ZNG1C: variants seen among roughly 807,000 people sequenced by gnomAD.
ZNG1C encodes the protein zinc-regulated GTPase metalloprotein activator 1C.
chr9:68,264,855 A>ATATATATATATATATATATATG, the ZNG1C span, among the ~76,000 whole-genome samples: 1 of 72,260 alleles, frequency 1.4e-5, no homozygotes, highest in African/African-American at 5.1e-5. Flanking sequence ...ATATATATAT[A>ATATATATATATATATATATATG]TGTATAATAA....
chr9:68,256,726 G>C, the ZNG1C span, among the ~76,000 whole-genome samples: 2 of 120,292 alleles, frequency 1.7e-5, no homozygotes, highest in Admixed American at 1.8e-4. Flanking sequence ...AAATGGAATG[G>C]GTATAAATAG....
At chr9:68,290,899 G>T in the ZNG1C span, among the ~76,000 whole-genome samples, 1 of 151,022 alleles carries the variant, frequency 6.6e-6, no homozygotes, top group South Asian at 2.1e-4. Context: ...GTATAGTCAT[G>T]CACTGCATAA....
chr9:68,296,614 C>T, the ZNG1C span, among the ~76,000 whole-genome samples: 4 of 151,796 alleles, frequency 2.6e-5, no homozygotes, highest in African/African-American at 7.3e-5. Context: ...AGGCCAGATA[C>T]GCAGTTCTAG....
chr9:68,252,485 T>G, the ZNG1C span, among the ~76,000 whole-genome samples: 1 of 80,556 alleles, frequency 1.2e-5, no homozygotes, highest in Middle Eastern at 6.0e-3. Flanking sequence ...AGTTCAGGAG[T>G]TTAAGACCAG....
the ZNG1C span, among the ~76,000 whole-genome samples, chr9:68,276,599 A>G: frequency 1.3e-5 from 2 of 148,316 alleles, no homozygotes; most frequent in African/African-American, 5.0e-5. Flanking sequence ...AGGTTTGTCA[A>G]AGATCAGATA....
the ZNG1C span, among the ~76,000 whole-genome samples, chr9:68,264,855 A>ATATATATATATATATG: frequency 4.8e-4 from 35 of 72,208 alleles, no homozygotes; most frequent in African/African-American, 1.5e-3. Flanking sequence ...ATATATATAT[A>ATATATATATATATATG]TGTATAATAA....
the ZNG1C span, among the ~76,000 whole-genome samples, chr9:68,255,963 G>A: frequency 2.0e-5 from 3 of 151,736 alleles, no homozygotes; most frequent in Non-Finnish European, 4.4e-5. Flanking sequence ...AAACTATTAC[G>A]TTTTTGGGAA....
At chr9:68,263,336 TA>T in the ZNG1C span, among the ~76,000 whole-genome samples, 18 of 43,122 alleles carry the variant, frequency 4.2e-4, no homozygotes, top group African/African-American at 1.8e-3. Context: ...TGTGTTCAAT[TA>T]AAAAAAAAAG....
the ZNG1C span, chr9:68,269,210 G>A: frequency 1.1e-4 from 44 of 400,860 alleles, no homozygotes; most frequent in South Asian, 9.5e-4. Context: ...ATAACACTGT[G>A]TAAGTGTTTG....
the ZNG1C span, chr9:68,269,529 A>G: frequency 1.2e-6 from 1 of 806,852 alleles, no homozygotes; most frequent in Non-Finnish European, 1.4e-6. Context: ...ATTTCTGTGC[A>G]GGGTTATTTT....
At chr9:68,290,820 ATAT>A in the ZNG1C span, among the ~76,000 whole-genome samples, 1 of 138,210 alleles carries the variant, frequency 7.2e-6, no homozygotes, top group Non-Finnish European at 1.6e-5. Context: ...TTAAAAATGC[ATAT>A]TATTATTACC....
the ZNG1C span, among the ~76,000 whole-genome samples, chr9:68,246,176 TAGG>T: frequency 5.0e-4 from 71 of 140,966 alleles, no homozygotes; most frequent in Non-Finnish European, 7.2e-4. Context: ...GTTATCTTTA[TAGG>T]AGTTTTTCTT....
chr9:68,281,677 C>T, the ZNG1C span, among the ~76,000 whole-genome samples: 73 of 123,062 alleles, frequency 5.9e-4, no homozygotes, highest in Non-Finnish European at 7.6e-4. Context: ...CACCATTCTA[C>T]ACTCTTTCTG....
chr9:68,297,193 A>G, the ZNG1C span, among the ~76,000 whole-genome samples: 1 of 150,238 alleles, frequency 6.7e-6, no homozygotes, highest in African/African-American at 2.4e-5. Context: ...GTAAGTCAAA[A>G]GATACAATGA....
chr9:68,275,481 C>G, the ZNG1C span, among the ~76,000 whole-genome samples: 3 of 141,042 alleles, frequency 2.1e-5, no homozygotes, highest in Admixed American at 7.1e-5. Context: ...CCCCCTCCCC[C>G]CAACCCACAA....
At chr9:68,271,196 AT>A in the ZNG1C span, among the ~76,000 whole-genome samples, 1 of 92,310 alleles carries the variant, frequency 1.1e-5, no homozygotes, top group Non-Finnish European at 2.2e-5. Context: ...AAGATGTGTC[AT>A]TTTAATCTTC....
the ZNG1C span, chr9:68,247,474 C>A: frequency 1.7e-4 from 273 of 1,565,122 alleles, no homozygotes; most frequent in Non-Finnish European, 2.3e-4. Flanking sequence ...GGTATCAAGG[C>A]TGCATGAATA....
At chr9:68,299,233 C>G in the ZNG1C span, 5 of 1,566,460 alleles carry the variant, frequency 3.2e-6, no homozygotes, top group Non-Finnish European at 4.3e-6. Context: ...TCATCTTTGT[C>G]ACATTACAAC....
At chr9:68,264,819 G>T in the ZNG1C span, among the ~76,000 whole-genome samples, 8 of 21,456 alleles carry the variant, frequency 3.7e-4, no homozygotes, top group African/African-American at 9.4e-4. Flanking sequence ...TGGGATTGAA[G>T]ATTATATATA....
Sources: allele counts gnomAD v4.1 joint callset (sites outside exome capture counted in the v4.1 genomes callset), GRCh38; gene constraint gnomAD v4.1.1; transcripts MANE v1.5; gene names NCBI Gene and HGNC (gene_info 2026-07-23, HGNC 2026-07-21).